Variants in FREM2 observed in about 807,000 individuals in gnomAD.
FREM2 encodes the protein FRAS1 related extracellular matrix 2, also known as FRAS1-related extracellular matrix protein 2.
FREM2 carries 119 observed loss-of-function variants against 219.9 expected under a neutral mutation model. That is an observed-to-expected ratio of 0.54 (90% CI 0.47 to 0.63). The LOEUF (loss-of-function observed/expected upper bound fraction) is 0.63. Ranked by LOEUF, FREM2 falls within the 30% of genes least tolerant of loss-of-function variation. The pLI, the probability that FREM2 is intolerant of heterozygous loss-of-function variation, is 0.00. For missense variants in FREM2, 4,030 were observed against 3,993.6 expected, an observed-to-expected ratio of 1.01 and a Z score of -0.25; for synonymous variants, 1,562 against 1,522.8, an observed-to-expected ratio of 1.03 and a Z score of -0.60.
chr13:38,798,646 A>C (rs1874886405), intron 6 of FREM2, among the ~76,000 whole-genome samples: 1 of 151,962 alleles, frequency 6.6e-6, no homozygotes, highest in Non-Finnish European at 1.5e-5. Flanking sequence ...ATCTTGCCAC[A>C]CATTATTGAA....
At chr13:38,737,579 A>G (rs1872050355) in intron 2 of FREM2, among the ~76,000 whole-genome samples, 1 of 152,348 alleles carries the variant, frequency 6.6e-6, no homozygotes, top group Admixed American at 6.5e-5. Context: ...GAATGTTACA[A>G]GAAAATAGGA....
intron 11 of FREM2, among the ~76,000 whole-genome samples, chr13:38,855,026 GT>G (rs1157806208): frequency 6.6e-6 from 1 of 152,088 alleles, no homozygotes; most frequent in Non-Finnish European, 1.5e-5. Flanking sequence ...CAACAAAATA[GT>G]TTATCCATGG....
chr13:38,741,489 C>A (rs1225067373), intron 2 of FREM2, among the ~76,000 whole-genome samples: 3 of 152,136 alleles, frequency 2.0e-5, no homozygotes, highest in Admixed American at 6.6e-5. Flanking sequence ...TCTGAAAAAT[C>A]CATGAACAGG....
chr13:38,878,095 T>C (rs773954054), intron 21 of FREM2, 39 bp from the exon 22 acceptor site: 4 of 1,522,428 alleles, frequency 2.6e-6, no homozygotes, highest in East Asian at 2.3e-5. Flanking sequence ...ATATACCTTA[T>C]CATATAACAG....
Position 38,763,856 on chromosome 13 carries a change from C to T in FREM2, c.5264-448C>T, listed in dbSNP as rs562009984. On this transcript the variant is annotated intron_variant, in intron 2 of 23. Transcript: ENST00000280481. ...TTCCTTAAGTGGTTATAATTAAAAC[C>T]TTCCACCCAATTGCTCTGTGAACCG... Among the ~76,000 whole-genome samples, 8 of 152,216 alleles carry T rather than the reference C, an allele frequency of 5.3e-5. No homozygotes were observed. In the South Asian group the frequency reaches 6.2e-4, roughly 12 times the overall value.
chr13:38,730,114 A>T (rs1357564045), intron 2 of FREM2, among the ~76,000 whole-genome samples: 1 of 152,202 alleles, frequency 6.6e-6, no homozygotes, highest in Non-Finnish European at 1.5e-5. Context: ...CCTAGTGTTA[A>T]ATAAACAAAA....
intron 2 of FREM2, among the ~76,000 whole-genome samples, chr13:38,704,877 G>A (rs931231212): frequency 3.3e-5 from 5 of 152,090 alleles, no homozygotes; most frequent in African/African-American, 1.2e-4. Flanking sequence ...GTGAAGGGAA[G>A]TGCCACACTT....
At chr13:38,841,762 A>T (rs1032363012) in intron 6 of FREM2, among the ~76,000 whole-genome samples, 1 of 152,334 alleles carries the variant, frequency 6.6e-6, no homozygotes, top group Admixed American at 6.5e-5. Context: ...ACAGAGACAG[A>T]AATATTTATT....
chr13:38,757,714 C>T (rs1873069793), intron 2 of FREM2, among the ~76,000 whole-genome samples: 1 of 152,048 alleles, frequency 6.6e-6, no homozygotes, highest in East Asian at 1.9e-4. Context: ...CCTGTCTCAG[C>T]CTCCTGAGTA....
chr13:38,784,076 G>C (rs1175168616), intron 5 of FREM2, among the ~76,000 whole-genome samples: 2 of 152,234 alleles, frequency 1.3e-5, no homozygotes, highest in African/African-American at 2.4e-5. Flanking sequence ...TCCGGCCTGG[G>C]CAACAGAGCG....
At chr13:38,796,420 A>G (rs1874784719) in intron 6 of FREM2, among the ~76,000 whole-genome samples, 1 of 152,158 alleles carries the variant, frequency 6.6e-6, no homozygotes, top group Non-Finnish European at 1.5e-5. Flanking sequence ...GGTTGTTGTC[A>G]TGAGATATTC....
intron 2 of FREM2, among the ~76,000 whole-genome samples, chr13:38,731,583 T>TA (rs1423637467): frequency 3.3e-5 from 5 of 152,186 alleles, no homozygotes; most frequent in Non-Finnish European, 7.4e-5. Flanking sequence ...TCTAGAAAAG[T>TA]AAAAAAGACT....
intron 13 of FREM2, 36 bp from the exon 14 acceptor site, chr13:38,859,251 C>T (rs749038203): frequency 6.3e-7 from 1 of 1,597,966 alleles, no homozygotes; most frequent in Non-Finnish European, 8.6e-7. Context: ...ACCTGTTCTA[C>T]ACTCTGTTCC....
At chr13:38,821,862 C>T (rs532334123) in intron 6 of FREM2, 1 of 152,324 alleles carries the variant, frequency 6.6e-6, no homozygotes, top group East Asian at 1.9e-4. Flanking sequence ...AGTCCAGGCT[C>T]CCCATGCAGT....
intron 11 of FREM2, among the ~76,000 whole-genome samples, chr13:38,852,429 A>G (rs1877404570): frequency 6.6e-6 from 1 of 152,140 alleles, no homozygotes; most frequent in African/African-American, 2.4e-5. Context: ...TTGGCTTTCT[A>G]TTAGTTTTAC....
chr13:38,772,625 A>G lies in FREM2; in HGVS notation c.5641+2817A>G, dbSNP rs189499629. ...ACTTGATGTTTACAGGAGGCTTTCA[A>G]TTTTATATTTGGCAAGTTTTGGAAC... On this transcript the variant is annotated intron_variant, in intron 4 of 23. Coordinates refer to ENST00000280481, the MANE Select transcript of FREM2 (RefSeq NM_207361.6). 1.2e-4 allele frequency among the ~76,000 whole-genome samples: 18 copies of G among 152,022 alleles called. No individual in the cohort carries two copies. The South Asian group carries it at 2.9e-3, about 25-fold the overall frequency.
chr13:38,821,371 A>G (rs1371378477), intron 6 of FREM2, among the ~76,000 whole-genome samples: 1 of 152,096 alleles, frequency 6.6e-6, no homozygotes, highest in South Asian at 2.1e-4. Context: ...TGCTATTGTT[A>G]TTTGACAAAC....
At chr13:38,783,330 T>C (rs1874195877) in intron 5 of FREM2, 135 bp downstream of exon 5, 3 of 967,990 alleles carry the variant, frequency 3.1e-6, no homozygotes, top group South Asian at 2.7e-5. Context: ...AAGGATTTAT[T>C]TAGAAGTCTT....
intron 2 of FREM2, among the ~76,000 whole-genome samples, chr13:38,708,274 G>T (rs1870619817): frequency 3.3e-5 from 5 of 152,124 alleles, no homozygotes. Flanking sequence ...ATTTCTTCCA[G>T]TGCAATTCTA....
Sources: gnomAD v4.1 joint callset for allele counts (sites outside exome capture counted in the v4.1 genomes callset) on GRCh38, gnomAD v4.1.1 for gene constraint, MANE v1.5 for transcripts, NCBI Gene and HGNC (gene_info 2026-07-23, HGNC 2026-07-21) for gene names.